The following NUTM1 variants were observed in gnomAD, a reference collection of about 807,000 sequenced individuals.
NUTM1 encodes the protein NUT family member 1.
A neutral mutation model predicts 88.7 loss-of-function variants in NUTM1; 39 were observed. That is an observed-to-expected ratio of 0.44 (90% CI 0.34 to 0.57). The LOEUF is 0.57. Ranked by LOEUF, NUTM1 falls within the 20% of genes least tolerant of loss-of-function variation. The pLI is 0.01. For synonymous variants in NUTM1, 494 were observed against 538.0 expected, an observed-to-expected ratio of 0.92 and a Z score of 1.13; for missense variants, 1,350 against 1,414.5, an observed-to-expected ratio of 0.95 and a Z score of 0.73.
intron 3 of NUTM1, among the ~76,000 whole-genome samples, chr15:34,350,397 ATAAT>A (rs770147830): frequency 3.9e-5 from 6 of 152,238 alleles, no homozygotes; most frequent in Non-Finnish European, 5.9e-5. Context: ...TCCCTTTCTA[ATAAT>A]TAATTGAGGA....
Position 34,355,512 on chromosome 15 carries a change from T to C in NUTM1, c.1504T>C (p.Leu502=), listed in dbSNP as rs772965325. The C allele has an allele frequency of 1.2e-6, 2 of 1,614,124 alleles. No individual in the cohort carries two copies. Among genetic ancestry groups the C allele is most frequent in the South Asian group, 2.2e-5 (2 of 91,080 alleles). Residue 502 remains leucine (L), a synonymous_variant, in exon 8 of 8, where the codon TTG becomes CTG. Coordinates refer to ENST00000537011, the MANE Select transcript of NUTM1 (RefSeq NM_001284292.2). This position sits in a 1 kb window ranked among gnomAD's most constrained non-coding sequence, Gnocchi z 4.3. ...AQLVQKRLMA[L]EEEEDAEAPP... ...GCTGGTCCAGAAGCGACTCATGGCC[T>C]TGGAAGAGGAGGAAGATGCAGAGGC...
Position 34,355,144 on chromosome 15 carries a change from C to G in NUTM1, c.1479+7C>G, listed in dbSNP as rs973075656. 1 of 1,545,578 alleles carries G rather than the reference C, an allele frequency of 6.5e-7. No individual in the cohort carries two copies. Among genetic ancestry groups the G allele is most frequent in the African/African-American group, 1.4e-5 (1 of 73,582 alleles). On this transcript the variant is annotated splice_region_variant and intron_variant, in intron 7 of 7. Coordinates refer to ENST00000537011, the MANE Select transcript of NUTM1 (RefSeq NM_001284292.2). The surrounding 1 kb of genome is among the most constrained non-coding windows in gnomAD (Gnocchi z 4.3). ...AGGACTCACTCTTGCCCAGGTAAAA[C>G]TGGGGTATAGGAAATATGAGAACGA...
intron 3 of NUTM1, 67 bp downstream of exon 3, chr15:34,348,744 T>C: frequency 1.7e-6 from 2 of 1,184,966 alleles, no homozygotes; most frequent in South Asian, 1.3e-5. Flanking sequence ...GGGGTGAACA[T>C]AGTAGTTTAG....
chr15:34,345,191 G>C (rs1280212064), intron 1 of NUTM1, among the ~76,000 whole-genome samples: 2 of 152,212 alleles, frequency 1.3e-5, no homozygotes, highest in African/African-American at 2.4e-5. Context: ...TGTGGCTGTA[G>C]AGGATGCTCT....
Position 34,348,696 on chromosome 15 carries a change from GATTA to G in NUTM1, c.809+24_809+27del, listed in dbSNP as rs372552145. The stretch of plus-strand genomic sequence containing the variant: ...TTCTTATGTAAGTGGGGAGACCGGA[GATTA>G]ATTATTCTAGGGCTTTTAAATAAGG... On this transcript the variant is annotated intron_variant, in intron 3 of 7. Transcript: ENST00000537011. The G allele has an allele frequency of 3.3e-5, 50 of 1,524,656 alleles. No individual in the cohort carries two copies. The highest frequency in any genetic ancestry group is 1.5e-4 in the African/African-American group (11 of 73,210). 94.4% of individuals were successfully genotyped at this position (1,524,656 alleles called of 1,614,324 possible).
chr15:34,346,838 G>A (rs1281516821), intron 2 of NUTM1, among the ~76,000 whole-genome samples: 5 of 120,354 alleles, frequency 4.2e-5, no homozygotes, highest in South Asian at 2.8e-4. Flanking sequence ...AGCTAAGATC[G>A]TGCTGCTGCA....
intron 1 of NUTM1, among the ~76,000 whole-genome samples, chr15:34,344,943 G>A (rs555921613): frequency 5.3e-4 from 80 of 151,802 alleles, no homozygotes; most frequent in African/African-American, 1.8e-3. Flanking sequence ...GCGTGAACCC[G>A]GAAGGCGGAG....
rs1890823693 is a variant in NUTM1, at chr15:34,356,855, C to T, written c.2847C>T (p.Cys949=). The T allele has an allele frequency of 6.2e-7, 1 of 1,612,406 alleles. No homozygotes were observed. Among genetic ancestry groups the T allele is most frequent in the Non-Finnish European group, 8.5e-7 (1 of 1,179,694 alleles). ...GLQLRVSEDT[C]PLNVHSYDPQ... is the part of the protein sequence containing the mutation. ...AACTAAGGGTCAGCGAGGACACCTGCCCACTGAATGTTCATTCTTATGACC... is the reference window on the plus strand; with the variant it reads ...AACTAAGGGTCAGCGAGGACACCTGTCCACTGAATGTTCATTCTTATGACC... Residue 949 remains cysteine, a synonymous_variant, in exon 8 of 8, where the codon TGC becomes TGT. Coordinates refer to ENST00000537011, the MANE Select transcript of NUTM1 (RefSeq NM_001284292.2).
At chr15:34,346,321 T>C (rs1241611565) in intron 2 of NUTM1, among the ~76,000 whole-genome samples, 1 of 151,926 alleles carries the variant, frequency 6.6e-6, no homozygotes, top group African/African-American at 2.4e-5. Flanking sequence ...GCATGTGTTT[T>C]TGTGGTGGGA....
Position 34,356,607 on chromosome 15 carries a change from G to A in NUTM1, c.2599G>A (p.Gly867Ser). The change falls in exon 8 of 8, where the codon GGT (glycine) becomes AGT (serine). Residue 867 changes from glycine to serine, a missense_variant. Gly to Ser is a moderately conservative substitution (Grantham distance 56). This residue lies in a region of NUTM1 where 730 missense variants were observed against 728.8 expected (regional missense o/e 1.00). Transcript: ENST00000537011. ...VGHPSDLWAEGCFPLLESGDS... is the reference protein window; with the variant it reads ...VGHPSDLWAESCFPLLESGDS... ...GCATCCCAGTGATCTGTGGGCAGAAGGTTGCTTCCCATTGCTAGAAAGTGG... is the reference window on the plus strand; with the variant it reads ...GCATCCCAGTGATCTGTGGGCAGAAAGTTGCTTCCCATTGCTAGAAAGTGG... The A allele has an allele frequency of 1.2e-6, 2 of 1,613,958 alleles. No homozygotes were observed. The highest frequency in any genetic ancestry group is 2.2e-5 in the South Asian group (2 of 91,086).
chr15:34,352,278 T>C (rs1890723459), intron 4 of NUTM1, among the ~76,000 whole-genome samples: 1 of 152,212 alleles, frequency 6.6e-6, no homozygotes. Context: ...CTTCCTAGAC[T>C]TACCTTTCCA....
intron 3 of NUTM1, among the ~76,000 whole-genome samples, chr15:34,349,124 T>C (rs1457071471): frequency 6.6e-6 from 1 of 152,172 alleles, no homozygotes; most frequent in Non-Finnish European, 1.5e-5. Flanking sequence ...GGGAACAGTG[T>C]GGGGCCAGGC....
chr15:34,348,048 A>C lies in NUTM1; in HGVS notation c.180A>C (p.Pro60=). The C allele has an allele frequency of 6.2e-7, 1 of 1,613,494 alleles. No individual in the cohort carries two copies. The highest frequency in any genetic ancestry group is 1.3e-5 in the African/African-American group (1 of 74,694). The part of the protein sequence containing the change: ...PSPSPALPFL[P]PTSDPPDHPP... ...CATCCCCTGCACTTCCCTTTCTCCC[A>C]CCAACTTCTGACCCACCAGACCACC... The change falls in exon 3 of 8, where the codon CCA becomes CCC. Residue 60 remains proline, a synonymous_variant. Transcript: ENST00000537011.
At position 34,357,481 on chromosome 15, in the gene NUTM1, G is replaced by A. The variant is rs552947535; in HGVS notation, c.3473G>A (p.Arg1158His). 1.1e-5 allele frequency: 17 copies of A among 1,612,664 alleles called. No individual in the cohort carries two copies. Among genetic ancestry groups the A allele is most frequent in the East Asian group, 4.5e-5 (2 of 44,858 alleles). Residue 1158 changes from arginine to histidine, a missense_variant, in exon 8 of 8, where the codon CGT becomes CAT. Coordinates refer to ENST00000537011, the MANE Select transcript of NUTM1 (RefSeq NM_001284292.2). Reference sequence around the variant, plus strand: ...ACGGGCAGAAGGAAGAAACGACGTCGTAGCCAGTAGGGAGCAGCGGGACCA... The same window carrying A: ...ACGGGCAGAAGGAAGAAACGACGTCATAGCCAGTAGGGAGCAGCGGGACCA... ...FVTGRRKKRR[R>H]SQ is the part of the protein sequence containing the mutation.
chr15:34,345,826 C>G, intron 1 of NUTM1, 116 bp from the exon 2 acceptor site: 1 of 1,434,250 alleles, frequency 7.0e-7, no homozygotes, highest in African/African-American at 1.4e-5. Flanking sequence ...CACCCTCACC[C>G]CACTTTTCCC....
At chr15:34,352,150 A>G (rs151069078) in intron 4 of NUTM1, among the ~76,000 whole-genome samples, 3,910 of 152,328 alleles carry the variant, frequency 0.026, 166 homozygotes, top group African/African-American at 0.089. Context: ...AGCCTCGGCA[A>G]CAAGAGCGAA....
chr15:34,354,698 A>G lies in NUTM1; in HGVS notation c.1328A>G (p.Asn443Ser), dbSNP rs758339877. The change falls in exon 6 of 8, where the codon AAT becomes AGT. Residue 443 changes from asparagine to serine, a missense_variant. By Grantham distance (46) the Asn-to-Ser change is conservative. Transcript: ENST00000537011. The stretch of plus-strand genomic sequence containing the variant: ...GATCCAGGTCTCCTGAGCTACATCA[A>G]TGAGCTGTGTTCTCAGAAGGTCTTT... ...YPDPGLLSYI[N>S]ELCSQKVFVS... The G allele has an allele frequency of 6.8e-6, 11 of 1,614,064 alleles. No homozygotes were observed. Among genetic ancestry groups the G allele is most frequent in the African/African-American group, 5.3e-5 (4 of 74,938 alleles).
At chr15:34,349,998 T>TAAAATGCTC (rs1290986295) in intron 3 of NUTM1, among the ~76,000 whole-genome samples, 1 of 152,198 alleles carries the variant, frequency 6.6e-6, no homozygotes, top group Non-Finnish European at 1.5e-5. Context: ...GGGAAGCTCC[T>TAAAATGCTC]AAAATGCTCA....
chr15:34,356,597 G>C lies in NUTM1; in HGVS notation c.2589G>C (p.Leu863=). Residue 863 remains leucine (L), a synonymous_variant, in exon 8 of 8, where the codon CTG becomes CTC. Coordinates refer to ENST00000537011, the MANE Select transcript of NUTM1 (RefSeq NM_001284292.2). ...SCETVGHPSD[L]WAEGCFPLLE... Reference sequence around the variant, plus strand: ...AAACCGTAGGGCATCCCAGTGATCTGTGGGCAGAAGGTTGCTTCCCATTGC... The same window carrying C: ...AAACCGTAGGGCATCCCAGTGATCTCTGGGCAGAAGGTTGCTTCCCATTGC... 3 of 1,614,040 alleles carry C rather than the reference G, an allele frequency of 1.9e-6. No individual in the cohort carries two copies. In the South Asian group the frequency reaches 3.3e-5, roughly 18 times the overall value.
Sources: allele counts gnomAD v4.1 joint callset (sites outside exome capture counted in the v4.1 genomes callset), GRCh38; gene constraint gnomAD v4.1.1; regional missense constraint gnomAD v4.1.1; non-coding constraint Gnocchi (gnomAD v3.1); transcripts MANE v1.5; gene names NCBI Gene and HGNC (gene_info 2026-07-23, HGNC 2026-07-21).